MAP2K5: variants seen among roughly 807,000 people sequenced by gnomAD.
The protein encoded by MAP2K5 is mitogen-activated protein kinase kinase 5.
MAP2K5 carries 49 observed loss-of-function variants against 83.1 expected under a neutral mutation model. The ratio of observed to expected loss-of-function variants is 0.59; its 90% CI spans 0.47 to 0.75. The LOEUF is 0.75. Among genes scored for constraint, MAP2K5 ranks in the 30% least tolerant of loss-of-function variants. The pLI, the probability that MAP2K5 is intolerant of heterozygous loss-of-function variation, is 0.00. For missense variants in MAP2K5, 457 were observed against 557.5 expected (o/e 0.82, Z 1.82); for synonymous variants, 202 against 191.8 (o/e 1.05, Z -0.44).
chr15:67,657,532 G>A (rs1470664850), intron 11 of MAP2K5, among the ~76,000 whole-genome samples: 1 of 151,710 alleles, frequency 6.6e-6, no homozygotes, highest in African/African-American at 2.4e-5. Flanking sequence ...AATAAGGGTG[G>A]TTCAGTTCAT....
chr15:67,650,117 T>C (rs2086916889), intron 11 of MAP2K5, among the ~76,000 whole-genome samples: 1 of 152,208 alleles, frequency 6.6e-6, no homozygotes, highest in Non-Finnish European at 1.5e-5. Context: ...ATTTCATTTT[T>C]GGATTGTTCA....
chr15:67,593,069 G>A, intron 7 of MAP2K5, 95 bp downstream of exon 7: 1 of 767,196 alleles, frequency 1.3e-6, no homozygotes, highest in Non-Finnish European at 2.1e-6. Flanking sequence ...TAAAGAGTCT[G>A]TGAGTTTCCT....
Position 67,565,872 on chromosome 15 carries a change from G to A in MAP2K5, c.252+2522G>A, listed in dbSNP as rs2084826469. On this transcript the variant is annotated intron_variant, in intron 3 of 21. Coordinates refer to ENST00000178640, the MANE Select transcript of MAP2K5 (RefSeq NM_145160.3). The surrounding 1 kb of genome is among the most constrained non-coding windows in gnomAD (Gnocchi z 4.1). Reference sequence around the variant, plus strand: ...TGGTCCTCCTGCCTCAGCCTCCCAAGGTGCTGGAATTACAGGCGTGAGCCA... The same window carrying A: ...TGGTCCTCCTGCCTCAGCCTCCCAAAGTGCTGGAATTACAGGCGTGAGCCA... Among the ~76,000 whole-genome samples, 1 of 151,746 alleles carries A rather than the reference G, an allele frequency of 6.6e-6. No homozygotes were observed. Among genetic ancestry groups the A allele is most frequent in the South Asian group, 2.1e-4 (1 of 4,806 alleles).
chr15:67,695,866 T>G (rs564101702), intron 15 of MAP2K5, among the ~76,000 whole-genome samples: 2 of 152,354 alleles, frequency 1.3e-5, no homozygotes, highest in East Asian at 3.8e-4. Context: ...TAAAATTGCT[T>G]TGCTTCTTAG....
rs1347891691 is a variant in MAP2K5 at position 67,573,254 on chromosome 15, T to G, written c.253-7500T>G. ...AACAACATTGCTATAAAGAGCTATT[T>G]GAGACTGGGTAATTTATAAAGAAAA... On this transcript the variant is annotated intron_variant, in intron 3 of 21. Coordinates refer to ENST00000178640, the MANE Select transcript of MAP2K5 (RefSeq NM_145160.3). The surrounding 1 kb of genome is among the most constrained non-coding windows in gnomAD (Gnocchi z 4.2). Among the ~76,000 whole-genome samples the G allele has an allele frequency of 3.3e-5, 5 of 152,130 alleles. No homozygotes were observed. The highest frequency in any genetic ancestry group is 5.9e-5 in the Non-Finnish European group (4 of 68,016).
rs61247537 is a variant in MAP2K5, at chr15:67,668,923, C to T, written c.847+4278C>T. Among the ~76,000 whole-genome samples, 5,750 of 151,966 alleles carry T rather than the reference C, an allele frequency of 0.038. 285 individuals are homozygous for T. Among genetic ancestry groups the T allele is most frequent in the African/African-American group, 0.12 (4,910 of 41,448 alleles). ...CCAATAGGAGAACTTTTTAAAAATA[C>T]GTTTTTGCAGAAATTCTGTAGGAAA... On this transcript the variant is annotated intron_variant, in intron 13 of 21. Transcript: ENST00000178640. This position sits in a 1 kb window ranked among gnomAD's most constrained non-coding sequence, Gnocchi z 4.0.
At chr15:67,639,111 A>G (rs12909310) in intron 9 of MAP2K5, among the ~76,000 whole-genome samples, 149,552 of 152,256 alleles carry the variant, frequency 0.98, 73,515 homozygotes, top group Middle Eastern at 1. Context: ...TTGCAACAAA[A>G]GCAAAAATTG....
intron 2 of MAP2K5, among the ~76,000 whole-genome samples, chr15:67,551,147 A>G (rs956980568): frequency 2.6e-5 from 4 of 152,170 alleles, no homozygotes; most frequent in Non-Finnish European, 5.9e-5. Flanking sequence ...TTTTTTATGA[A>G]GATGGTTACT....
chr15:67,719,589 G>A lies in MAP2K5; in HGVS notation c.1045-8327G>A, dbSNP rs1225280488. On this transcript the variant is annotated intron_variant, in intron 16 of 21. Coordinates refer to ENST00000178640, the MANE Select transcript of MAP2K5 (RefSeq NM_145160.3). This position sits in a 1 kb window ranked among gnomAD's most constrained non-coding sequence, Gnocchi z 4.6. ...ACACACTGCCCAGTGAAGGGTATGG[G>A]CAGAGAGTGGTATGAAGTTTGTCTA... Among the ~76,000 whole-genome samples, 1 of 152,190 alleles carries A rather than the reference G, an allele frequency of 6.6e-6. No homozygotes were observed. The highest frequency in any genetic ancestry group is 1.5e-5 in the Non-Finnish European group (1 of 68,024).
chr15:67,799,807 A>G (rs2090669394), intron 21 of MAP2K5, among the ~76,000 whole-genome samples: 1 of 152,208 alleles, frequency 6.6e-6, no homozygotes, highest in Non-Finnish European at 1.5e-5. Context: ...TCCATATAGA[A>G]TGAAGCCAGG....
At position 67,587,325 on chromosome 15, in the gene MAP2K5, G is replaced by A. The variant is rs546972678; in HGVS notation, c.431+412G>A. 2.6e-5 allele frequency among the ~76,000 whole-genome samples: 4 copies of A among 152,264 alleles called. No individual in the cohort carries two copies. The highest frequency in any genetic ancestry group is 6.5e-5 in the Admixed American group (1 of 15,296). The stretch of plus-strand genomic sequence containing the variant: ...AGGAGGTAGACAGGACTTATCATGC[G>A]GGGCCTCGTAGGCCCTGTAATGTTT... On this transcript the variant is annotated intron_variant, in intron 6 of 21. Transcript: ENST00000178640. The surrounding 1 kb of genome is among the most constrained non-coding windows in gnomAD (Gnocchi z 4.8).
rs993135468 is a variant in MAP2K5, at chr15:67,782,298, C to T, written c.1242+9546C>T. Among the ~76,000 whole-genome samples the T allele has an allele frequency of 1.3e-5, 2 of 152,166 alleles. No individual in the cohort carries two copies. Among genetic ancestry groups the T allele is most frequent in the African/African-American group, 4.8e-5 (2 of 41,440 alleles). On this transcript the variant is annotated intron_variant, in intron 21 of 21. Coordinates refer to ENST00000178640, the MANE Select transcript of MAP2K5 (RefSeq NM_145160.3). The surrounding 1 kb of genome is among the most constrained non-coding windows in gnomAD (Gnocchi z 4.9). Reference sequence around the variant, plus strand: ...AGTATTAGTAATCGGGAGATTAGGGCCCCAGGGACAATGAGAGATAAACAA... The same window carrying T: ...AGTATTAGTAATCGGGAGATTAGGGTCCCAGGGACAATGAGAGATAAACAA...
At chr15:67,669,274 T>G (rs928473643) in intron 13 of MAP2K5, among the ~76,000 whole-genome samples, 1 of 152,036 alleles carries the variant, frequency 6.6e-6, no homozygotes, top group Non-Finnish European at 1.5e-5. Flanking sequence ...ATAACATACA[T>G]AATAAGTAAG....
intron 13 of MAP2K5, among the ~76,000 whole-genome samples, chr15:67,681,093 C>G (rs1350486727): frequency 6.6e-6 from 1 of 152,240 alleles, no homozygotes; most frequent in African/African-American, 2.4e-5. Context: ...ATTCATTCAA[C>G]ATTTCACTGA....
At position 67,769,022 on chromosome 15, in the gene MAP2K5, A is replaced by G. The variant is rs1566958088; in HGVS notation, c.1135-580A>G. On this transcript the variant is annotated intron_variant, in intron 19 of 21. Transcript: ENST00000178640. The surrounding 1 kb of genome is among the most constrained non-coding windows in gnomAD (Gnocchi z 5.2). ...GTATCCTTAATTCACTGGCTTTCTCATATGAGGAGTCTGCCTAGACTGGCA... is the reference window on the plus strand; with the variant it reads ...GTATCCTTAATTCACTGGCTTTCTCGTATGAGGAGTCTGCCTAGACTGGCA... 6.6e-6 allele frequency among the ~76,000 whole-genome samples: 1 copy of G among 152,068 alleles called. No individual in the cohort carries two copies. Among genetic ancestry groups the G allele is most frequent in the African/African-American group, 2.4e-5 (1 of 41,396 alleles).
intron 3 of MAP2K5, among the ~76,000 whole-genome samples, chr15:67,569,585 G>A (rs982716097): frequency 5.9e-5 from 9 of 152,178 alleles, no homozygotes; most frequent in African/African-American, 2.2e-4. Context: ...AGTGATAAAA[G>A]TGTAGTGACC....
chr15:67,705,623 C>T (rs2088531822), intron 16 of MAP2K5, among the ~76,000 whole-genome samples: 2 of 152,154 alleles, frequency 1.3e-5, no homozygotes, highest in Non-Finnish European at 2.9e-5. Context: ...GTAATCCCAG[C>T]TACTCGGGAG....
chr15:67,548,868 A>G, intron 1 of MAP2K5: 2 of 401,408 alleles, frequency 5.0e-6, no homozygotes, highest in Non-Finnish European at 8.3e-6. Flanking sequence ...AGGACTGCCT[A>G]AGATAGTCCT....
At chr15:67,761,496 C>G (rs1335937550) in intron 19 of MAP2K5, among the ~76,000 whole-genome samples, 1 of 152,210 alleles carries the variant, frequency 6.6e-6, no homozygotes, top group Non-Finnish European at 1.5e-5. Flanking sequence ...TCTGTTTCCC[C>G]CCTTATCTGT....
Sources: allele counts gnomAD v4.1 joint callset (sites outside exome capture counted in the v4.1 genomes callset), GRCh38; gene constraint gnomAD v4.1.1; non-coding constraint Gnocchi (gnomAD v3.1); transcripts MANE v1.5; gene names NCBI Gene and HGNC (gene_info 2026-07-23, HGNC 2026-07-21).